Variants in GBP1 observed in about 807,000 individuals in gnomAD.
GBP1 encodes the protein guanylate-binding protein 1.
GBP1 carries 64 observed loss-of-function variants against 69.5 expected under a neutral mutation model. The observed-to-expected ratio is 0.92, with a 90% CI of 0.75 to 1.13. The LOEUF (loss-of-function observed/expected upper bound fraction) is 1.13. GBP1 is among the 50% of genes most tolerant of loss of function. GBP1 has a pLI of 0.00. For synonymous variants in GBP1, 250 were observed against 261.2 expected (o/e 0.96, Z 0.41); for missense variants, 630 against 704.1 (o/e 0.89, Z 1.19).
chr1:89,054,988 A>T, intron 9 of GBP1, 113 bp from the exon 10 acceptor site: 1 of 1,410,662 alleles, frequency 7.1e-7, no homozygotes, highest in South Asian at 1.3e-5. Context: ...CTCAGAGATG[A>T]CCTCGGCAAG....
At position 89,058,189 on chromosome 1, in the gene GBP1, A is replaced by T; in HGVS notation, c.677T>A (p.Ile226Asn). ...TTTTTTCTTTGGGAAGAATTTCCGG[A>T]TACAGAGTCTGGGCAGGTTAAAAGT... ...DETFNLPRLC[I>N]RKFFPKKKCF... Residue 226 changes from isoleucine (I) to asparagine (N), a missense_variant, in exon 6 of 11, where the codon ATC (isoleucine) becomes AAC (asparagine). Ile to Asn is a moderately radical substitution (Grantham distance 149). This residue lies in a region of GBP1 where 367 missense variants were observed against 369.5 expected (regional missense o/e 0.99). Coordinates refer to ENST00000370473, the MANE Select transcript of GBP1 (RefSeq NM_002053.3). 3 of 1,614,036 alleles carry T rather than the reference A, an allele frequency of 1.9e-6. No homozygotes were observed. The highest frequency in any genetic ancestry group is 2.5e-6 in the Non-Finnish European group (3 of 1,179,932).
At chr1:89,062,955 C>T (rs1680236684) in intron 2 of GBP1, 90 bp downstream of exon 2, 1 of 1,494,608 alleles carries the variant, frequency 6.7e-7, no homozygotes, top group Non-Finnish European at 9.3e-7. Flanking sequence ...TATTCATCCT[C>T]ATCTCTTTCT....
chr1:89,063,943 G>A (rs1298470673), intron 1 of GBP1, among the ~76,000 whole-genome samples: 7 of 152,126 alleles, frequency 4.6e-5, no homozygotes, highest in Admixed American at 1.3e-4. Flanking sequence ...TTAGAGTCAC[G>A]ATAAGATAGC....
rs370170628 is a variant in GBP1 at position 89,053,829 on chromosome 1, A to G, written c.1666-361T>C. Among the ~76,000 whole-genome samples the G allele has an allele frequency of 5.9e-5, 9 of 152,344 alleles. No individual in the cohort carries two copies. In the East Asian group the frequency reaches 1.2e-3, roughly 20 times the overall value. On this transcript the variant is annotated intron_variant, in intron 10 of 10. Transcript: ENST00000370473. ...CTGCACATAGCTCACAACTCAAAAC[A>G]AACTGGGAGCAGGACATTAAAAATA...
intron 2 of GBP1, among the ~76,000 whole-genome samples, chr1:89,062,491 G>A (rs543163508): frequency 4.6e-5 from 7 of 152,278 alleles, no homozygotes; most frequent in Admixed American, 1.3e-4. Context: ...GCAGGCAATG[G>A]GTTTATGTGG....
At chr1:89,063,350 G>T (rs945227067) in intron 1 of GBP1, 97 bp from the exon 2 acceptor site, 1 of 1,117,804 alleles carries the variant, frequency 8.9e-7, no homozygotes. Context: ...AGTTTTGTGT[G>T]TGACAGCAAA....
rs372220551 is a variant in GBP1 at position 89,054,679 on chromosome 1, T to C, written c.1665+3A>G. The C allele has an allele frequency of 7.9e-4, 1,266 of 1,611,800 alleles. 2 individuals carry two copies. The highest frequency in any genetic ancestry group is 1.0e-3 in the Non-Finnish European group (1,180 of 1,178,236). ...GAAACCTCAAGGTGATGCAATTAGA[T>C]ACCTGAAGTTTAAGAGCGAGGGTCC... On this transcript the variant is annotated splice_donor_region_variant and intron_variant, in intron 10 of 10. Coordinates refer to ENST00000370473, the MANE Select transcript of GBP1 (RefSeq NM_002053.3).
chr1:89,059,472 C>A, intron 3 of GBP1, 46 bp from the exon 4 acceptor site: 1 of 1,603,384 alleles, frequency 6.2e-7, no homozygotes, highest in Non-Finnish European at 8.5e-7. Flanking sequence ...TTCATCATCG[C>A]AGCACTTTTC....
intron 7 of GBP1, 151 bp from the exon 8 acceptor site, chr1:89,056,379 C>T (rs1216596609): frequency 2.2e-6 from 3 of 1,341,556 alleles, no homozygotes; most frequent in Non-Finnish European, 2.0e-6. Context: ...CCTTCTGACC[C>T]CACTTTCTGC....
chr1:89,061,500 A>G (rs1334274413), intron 2 of GBP1, among the ~76,000 whole-genome samples: 1 of 152,170 alleles, frequency 6.6e-6, no homozygotes, highest in Non-Finnish European at 1.5e-5. Flanking sequence ...ACTTACAAAT[A>G]TGAACTCAAA....
At chr1:89,053,652 A>G (rs1679973766) in intron 10 of GBP1, among the ~76,000 whole-genome samples, 184 bp from the exon 11 acceptor site, 1 of 152,234 alleles carries the variant, frequency 6.6e-6, no homozygotes, top group Admixed American at 6.5e-5. Flanking sequence ...TATGTATATG[A>G]CATAACACCG....
intron 1 of GBP1, among the ~76,000 whole-genome samples, chr1:89,064,214 T>TGTGC (rs1171612501): frequency 3.2e-4 from 16 of 50,660 alleles, no homozygotes; most frequent in Middle Eastern, 0.011. Flanking sequence ...TGTGTGTGTG[T>TGTGC]GTGTGTGTGT....
At chr1:89,062,370 A>G (rs1300717892) in intron 2 of GBP1, among the ~76,000 whole-genome samples, 2 of 152,232 alleles carry the variant, frequency 1.3e-5, no homozygotes, top group African/African-American at 4.8e-5. Context: ...ATGAACCTTG[A>G]AGACATATGA....
Position 89,058,135 on chromosome 1 carries a change from C to T in GBP1, c.731G>A (p.Arg244His), listed in dbSNP as rs755779485. Residue 244 changes from arginine (R) to histidine (H), a missense_variant, in exon 6 of 11, where the codon CGC (arginine) becomes CAC (histidine). Coordinates refer to ENST00000370473, the MANE Select transcript of GBP1 (RefSeq NM_002053.3). ...TTTCTCGAGCTGGGCAAGCTTCCTG[C>T]GGTGAACGGGCCGATCAAAGACAAA... ...KCFVFDRPVH[R>H]RKLAQLEKLQ... is the part of the protein sequence containing the mutation. 191 of 1,614,068 alleles carry T rather than the reference C, an allele frequency of 1.2e-4. 1 individual carries two copies. The highest frequency in any genetic ancestry group is 1.5e-4 in the Non-Finnish European group (176 of 1,179,978).
Position 89,058,197 on chromosome 1 carries a change from T to A in GBP1, c.669A>T (p.Arg223Ser). Reference protein sequence around the residue: ...SQKDETFNLPRLCIRKFFPKK... With the variant: ...SQKDETFNLPSLCIRKFFPKK... The stretch of plus-strand genomic sequence containing the variant: ...TTGGGAAGAATTTCCGGATACAGAG[T>A]CTGGGCAGGTTAAAAGTTTCATCTT... The change falls in exon 6 of 11, where the codon AGA (arginine) becomes AGT (serine). Residue 223 changes from arginine to serine, a missense_variant. Transcript: ENST00000370473. 7 of 1,610,132 alleles carry A rather than the reference T, an allele frequency of 4.3e-6. No homozygotes were observed. The highest frequency in any genetic ancestry group is 5.1e-6 in the Non-Finnish European group (6 of 1,178,512).
In GBP1 at chr1:89,055,206, T is replaced by G; in HGVS notation, c.1378A>C (p.Ile460Leu). ...TTGGATTTCAAGTATGTCTGCAGAA[T>G]CTCTTCAGCCTTAGGACCCAGAGAA... ...EPRKGIQAEE[I>L]LQTYLKSKES... The change falls in exon 9 of 11, where the codon ATT becomes CTT. Residue 460 changes from isoleucine to leucine, a missense_variant. By Grantham distance (5) the Ile-to-Leu change is conservative. This residue lies in a region of GBP1 where 367 missense variants were observed against 369.5 expected (regional missense o/e 0.99). Transcript: ENST00000370473. 1.2e-6 allele frequency: 2 copies of G among 1,613,392 alleles called. No homozygotes were observed. The highest frequency in any genetic ancestry group is 1.7e-6 in the Non-Finnish European group (2 of 1,179,834).
intron 1 of GBP1, among the ~76,000 whole-genome samples, chr1:89,063,908 G>C (rs1680264904): frequency 1.3e-5 from 2 of 152,136 alleles, no homozygotes; most frequent in African/African-American, 4.8e-5. Flanking sequence ...ATGTCCAAGA[G>C]AAGGGCCCTG....
rs1680234120 is a variant in GBP1 at position 89,062,866 on chromosome 1, T to C, written c.190+179A>G. The stretch of plus-strand genomic sequence containing the variant: ...AATGGAAACTAAGGTATCATGGGAA[T>C]AATTAATGAATTGATTCTTATCCCC... On this transcript the variant is annotated intron_variant, in intron 2 of 10. Transcript: ENST00000370473. 4 of 700,622 alleles carry C rather than the reference T, an allele frequency of 5.7e-6. No individual in the cohort carries two copies. In the African/African-American group the frequency reaches 7.2e-5, roughly 13 times the overall value. 43.4% of individuals were successfully genotyped at this position (700,622 alleles called of 1,614,324 possible).
intron 9 of GBP1, 69 bp from the exon 10 acceptor site, chr1:89,054,944 T>C (rs1302504051): frequency 2.9e-5 from 45 of 1,564,426 alleles, no homozygotes; most frequent in Non-Finnish European, 3.8e-5. Context: ...CCTTATACAC[T>C]TACCTGTCGT....
Sources: allele counts gnomAD v4.1 joint callset (sites outside exome capture counted in the v4.1 genomes callset), GRCh38; gene constraint gnomAD v4.1.1; regional missense constraint gnomAD v4.1.1; transcripts MANE v1.5; gene names NCBI Gene and HGNC (gene_info 2026-07-23, HGNC 2026-07-21).